Variants in HELZ2 observed in about 807,000 individuals in gnomAD.
The protein encoded by HELZ2 is helicase with zinc finger 2, also known as 3'-5' exoribonuclease HELZ2.
A neutral mutation model predicts 208.8 loss-of-function variants in HELZ2; 143 were observed. The ratio of observed to expected loss-of-function variants is 0.68; its 90% CI spans 0.60 to 0.79. The LOEUF (loss-of-function observed/expected upper bound fraction) is 0.79. Ranked by LOEUF, HELZ2 falls within the 30% of genes least tolerant of loss-of-function variation. The pLI, the probability that HELZ2 is intolerant of heterozygous loss-of-function variation, is 0.00. For synonymous variants in HELZ2, 1,705 were observed against 1,693.7 expected (o/e 1.01, Z -0.16); for missense variants, 3,690 against 3,794.5 (o/e 0.97, Z 0.72).
rs202223359 is a variant in HELZ2 at position 63,561,048 on chromosome 20, C to T, written c.7146+34G>A. 16 of 1,600,040 alleles carry T rather than the reference C, an allele frequency of 1.0e-5. No individual in the cohort carries two copies. In the Admixed American group the frequency reaches 1.9e-4, roughly 19 times the overall value. ...AGGTGGGAGACTGTGCCAGGGACGC[C>T]TGCTCATGCTGCCCACACCCCCCGC... On this transcript the variant is annotated intron_variant, in intron 14 of 18. Coordinates refer to ENST00000467148, the Ensembl canonical transcript of HELZ2.
rs1182848278 is a variant in HELZ2 at position 63,561,282 on chromosome 20, G to A, written c.6954-8C>T. 5 of 1,612,262 alleles carry A rather than the reference G, an allele frequency of 3.1e-6. No individual in the cohort carries two copies. In the African/African-American group the frequency reaches 6.7e-5, roughly 22 times the overall value. ...CACAAGACCTTCTTGTACCTGCCGG[G>A]GACACTGCTTGTCACCCCAGGGCCC... On this transcript the variant is annotated splice_polypyrimidine_tract_variant and splice_region_variant and intron_variant, in intron 13 of 18. Transcript: ENST00000467148.
exon 2 of HELZ2, chr20:63,570,747 G>A (rs1306998386): frequency 6.5e-7 from 1 of 1,546,456 alleles, no homozygotes; most frequent in South Asian, 1.1e-5. Context: ...TAGGGCACCA[G>A]CCCGTCCTGC....
chr20:63,565,317 C>A, exon 8 of HELZ2: 1 of 1,606,146 alleles, frequency 6.2e-7, no homozygotes, highest in Non-Finnish European at 8.5e-7. Context: ...ACCTCATCCC[C>A]GGCGAAGGCC....
intron 7 of HELZ2, 38 bp from the exon 9 acceptor site, chr20:63,566,269 A>G (rs2082956079): frequency 1.3e-6 from 2 of 1,490,730 alleles, no homozygotes; most frequent in East Asian, 2.5e-5. Flanking sequence ...CTGGGTGCGC[A>G]AGACGGTGGG....
At chr20:63,560,118 C>T in intron 17 of HELZ2, 23 bp from the exon 19 acceptor site, 1 of 1,564,002 alleles carries the variant, frequency 6.4e-7, no homozygotes, top group Non-Finnish European at 8.6e-7. Context: ...AGGTGAGGCC[C>T]TGCTGCCGCT....
At chr20:63,567,680 C>A (rs1407178319) in intron 5 of HELZ2, 53 bp from the exon 7 acceptor site, 1 of 1,548,336 alleles carries the variant, frequency 6.5e-7, no homozygotes, top group Admixed American at 1.9e-5. Context: ...TCAGTGCTGT[C>A]CGCTAAAGCA....
rs767545205 is a variant in HELZ2, at chr20:63,560,158, C to T, written c.7657+13G>A. The T allele has an allele frequency of 6.5e-7, 1 of 1,550,374 alleles. No homozygotes were observed. The highest frequency in any genetic ancestry group is 8.7e-7 in the Non-Finnish European group (1 of 1,153,114). ...CCACCCTCCCGGCCCCACCCACGAG[C>T]CCCCAGCCTCACCCTGGCTCTTGGT... On this transcript the variant is annotated intron_variant, in intron 17 of 18. Transcript: ENST00000467148.
At chr20:63,565,969 G>GACCTGCTCC (rs1569034314) in exon 8 of HELZ2, 1 of 1,599,156 alleles carries the variant, frequency 6.3e-7, no homozygotes, top group Admixed American at 1.7e-5. Context: ...CACCCTGCTC[G>GACCTGCTCC]ACCTGCTCCA....
chr20:63,572,315 T>C, exon 1 of HELZ2: 1 of 1,587,318 alleles, frequency 6.3e-7, no homozygotes. Context: ...CCCGTCGCCA[T>C]CAGGGGCAGG....
At chr20:63,567,389 G>A (rs867000750) in exon 6 of HELZ2, 3 of 1,589,486 alleles carry the variant, frequency 1.9e-6, no homozygotes, top group East Asian at 2.3e-5. Flanking sequence ...AAGCCGACCG[G>A]CACCCTGAGC....
exon 17 of HELZ2, chr20:63,560,291 C>A: frequency 1.3e-6 from 2 of 1,558,962 alleles, no homozygotes; most frequent in Admixed American, 1.9e-5. Context: ...TGGGGCTCTA[C>A]GGTCCTCCCC....
rs1389141691 is a variant in HELZ2, at chr20:63,561,747, T to G, written c.6692-2A>C. On this transcript the variant is annotated splice_acceptor_variant, in intron 11 of 18. Coordinates refer to ENST00000467148, the Ensembl canonical transcript of HELZ2. LOFTEE classifies it high-confidence loss of function. ...GCTCCATCCTTCTCAGGAGCAGTCC[T>G]GAGGGTAGTTGGGGGACGTGAGTCC... 6.3e-7 allele frequency: 1 copy of G among 1,589,704 alleles called. No individual in the cohort carries two copies. The highest frequency in any genetic ancestry group is 1.7e-5 in the Admixed American group (1 of 57,332).
exon 6 of HELZ2, chr20:63,566,883 G>A (rs415304): frequency 0.6 from 958,306 of 1,606,092 alleles, 290,415 homozygotes; most frequent in Admixed American, 0.66. Flanking sequence ...ACCTCTGCTC[G>A]CGGCCGCCCC....
exon 16 of HELZ2, chr20:63,560,673 A>C: frequency 6.2e-7 from 1 of 1,609,040 alleles, no homozygotes. Flanking sequence ...AACGCCACAG[A>C]GGGGAAGGCA....
rs34124776 is a variant in HELZ2 at position 63,567,042 on chromosome 20, C to T, written c.2316G>A (p.Pro772=). The change falls in exon 6 of 19, where the codon CCG becomes CCA. Residue 772 remains proline, a synonymous_variant. Coordinates refer to ENST00000467148, the Ensembl canonical transcript of HELZ2. ...TGAGCGGGTAGTGCCGGGGGTGGGG[C>T]GGAACCTTGCCCCTGGCGTGGATGG... The T allele has an allele frequency of 9.2e-5, 148 of 1,611,958 alleles. 1 individual carries two copies. Among genetic ancestry groups the T allele is most frequent in the Middle Eastern group, 3.3e-4 (2 of 6,062 alleles).
At chr20:63,566,183 C>T (rs780610250) in exon 8 of HELZ2, 39 of 1,524,644 alleles carry the variant, frequency 2.6e-5, no homozygotes, top group Middle Eastern at 1.7e-4. Flanking sequence ...GCTGAGCAGG[C>T]TCTGGCAGGT....
chr20:63,560,191 G>C, exon 17 of HELZ2: 2 of 1,556,012 alleles, frequency 1.3e-6, no homozygotes, highest in Non-Finnish European at 1.7e-6. Context: ...GGTGATGGAG[G>C]ACACGGCCAC....
chr20:63,564,389 C>T (rs1365270259), exon 8 of HELZ2: 22 of 1,549,064 alleles, frequency 1.4e-5, no homozygotes, highest in Admixed American at 5.8e-5. Flanking sequence ...GGAGTCCAGG[C>T]GGGCCGGCAG....
intron 3 of HELZ2, chr20:63,570,021 T>C: frequency 2.3e-6 from 1 of 443,390 alleles, no homozygotes; most frequent in Non-Finnish European, 4.2e-6. Context: ...CGATCTCAAC[T>C]CACTACAACC....
Sources: allele counts gnomAD v4.1 joint callset, GRCh38; gene constraint gnomAD v4.1.1; transcripts MANE v1.5; gene names NCBI Gene and HGNC (gene_info 2026-07-23, HGNC 2026-07-21).